The following LRP1B variants were observed in gnomAD, a reference collection of about 807,000 sequenced individuals.
The protein encoded by LRP1B is LDL receptor related protein 1B, also known as low-density lipoprotein receptor-related protein 1B.
LRP1B carries 217 observed loss-of-function variants against 556.6 expected under a neutral mutation model. That is an observed-to-expected ratio of 0.39 (90% confidence interval 0.35 to 0.44). The LOEUF (loss-of-function observed/expected upper bound fraction) is 0.44, where lower values mean the gene tolerates loss of function less well. LRP1B is among the 20% of genes least tolerant of loss of function. LRP1B has a pLI of 1.00. For missense variants in LRP1B, 5,053 were observed against 5,620.8 expected, an observed-to-expected ratio of 0.90 and a Z score of 3.23; for synonymous variants, 2,047 against 1,865.8, an observed-to-expected ratio of 1.10 and a Z score of -2.50.
chr2:141,028,301 T>A (rs1698272444), intron 11 of LRP1B, among the ~76,000 whole-genome samples: 1 of 151,600 alleles, frequency 6.6e-6, no homozygotes, highest in Non-Finnish European at 1.5e-5. Flanking sequence ...TATTAGTGAA[T>A]AATAACTTAT....
At chr2:140,990,061 G>A (rs1027087614) in intron 16 of LRP1B, among the ~76,000 whole-genome samples, 5 of 152,014 alleles carry the variant, frequency 3.3e-5, no homozygotes, top group African/African-American at 1.2e-4. Flanking sequence ...CAAAAAATTA[G>A]CCAGGCATGG....
intron 43 of LRP1B, among the ~76,000 whole-genome samples, chr2:140,581,638 G>A (rs1359555987): frequency 6.6e-6 from 1 of 151,996 alleles, no homozygotes; most frequent in Non-Finnish European, 1.5e-5. Flanking sequence ...TCTAGTATCA[G>A]AATAGACTGC....
At chr2:141,031,911 A>T (rs557364874) in intron 11 of LRP1B, among the ~76,000 whole-genome samples, 2 of 151,944 alleles carry the variant, frequency 1.3e-5, no homozygotes, top group South Asian at 2.1e-4. Context: ...TGTGACTAAA[A>T]ACTAGATGCA....
At chr2:141,216,893 T>C (rs1412576806) in intron 6 of LRP1B, among the ~76,000 whole-genome samples, 1 of 152,092 alleles carries the variant, frequency 6.6e-6, no homozygotes, top group Admixed American at 6.6e-5. Flanking sequence ...TGGAAGGAAA[T>C]AACTTGCTTG....
chr2:141,227,755 A>G (rs1210406973), intron 6 of LRP1B, among the ~76,000 whole-genome samples: 7 of 152,170 alleles, frequency 4.6e-5, no homozygotes, highest in Non-Finnish European at 1.0e-4. Context: ...TCTAATTACA[A>G]TGATCAAACA....
chr2:141,406,979 C>T (rs569206177), intron 3 of LRP1B, among the ~76,000 whole-genome samples: 1 of 152,124 alleles, frequency 6.6e-6, no homozygotes, highest in Non-Finnish European at 1.5e-5. Flanking sequence ...ATTTTAAGGG[C>T]ATTTTAGAGA....
At chr2:141,172,669 C>A (rs949216266) in intron 7 of LRP1B, among the ~76,000 whole-genome samples, 4 of 151,932 alleles carry the variant, frequency 2.6e-5, no homozygotes, top group South Asian at 2.1e-4. Context: ...TACACAAAAT[C>A]TTTCTTTAAA....
intron 7 of LRP1B, among the ~76,000 whole-genome samples, chr2:141,132,152 TAG>T (rs1701374746): frequency 1.3e-5 from 2 of 152,106 alleles, no homozygotes; most frequent in East Asian, 3.9e-4. Context: ...ATGGTTTGGG[TAG>T]AGTTTGTTTG....
intron 7 of LRP1B, among the ~76,000 whole-genome samples, chr2:141,105,772 A>G (rs1462882832): frequency 6.6e-6 from 1 of 152,204 alleles, no homozygotes; most frequent in Non-Finnish European, 1.5e-5. Context: ...TAAGAAATTT[A>G]TAAAACTTAC....
At chr2:141,052,688 C>T (rs750616677) in intron 10 of LRP1B, among the ~76,000 whole-genome samples, 2 of 151,908 alleles carry the variant, frequency 1.3e-5, no homozygotes, top group Non-Finnish European at 2.9e-5. Flanking sequence ...TTTTACAGCA[C>T]CCATTTTGCT....
At chr2:142,087,283 T>A (rs1705979374) in intron 1 of LRP1B, among the ~76,000 whole-genome samples, 1 of 13,178 alleles carries the variant, frequency 7.6e-5, no homozygotes, top group African/African-American at 8.9e-5. Context: ...ATTCAAATAA[T>A]CTTCCTATGT....
At chr2:142,122,854 C>T (rs1411191907) in intron 1 of LRP1B, among the ~76,000 whole-genome samples, 1 of 151,916 alleles carries the variant, frequency 6.6e-6, no homozygotes, top group Non-Finnish European at 1.5e-5. Flanking sequence ...ACATTTTTGT[C>T]CCAATAAAAA....
intron 1 of LRP1B, among the ~76,000 whole-genome samples, chr2:142,012,230 T>C (rs1320053117): frequency 1.3e-5 from 2 of 152,160 alleles, no homozygotes; most frequent in Admixed American, 6.5e-5. Context: ...ATAAAGTTGA[T>C]ATTGTTCACA....
At chr2:141,608,440 G>A (rs527666540) in intron 2 of LRP1B, among the ~76,000 whole-genome samples, 1 of 152,214 alleles carries the variant, frequency 6.6e-6, no homozygotes, top group South Asian at 2.1e-4. Flanking sequence ...CACATGAACA[G>A]CTTCTCCAAT....
chr2:141,742,012 A>T (rs572980634), intron 2 of LRP1B, among the ~76,000 whole-genome samples: 4 of 152,280 alleles, frequency 2.6e-5, no homozygotes, highest in African/African-American at 7.2e-5. Context: ...CTGCATATGA[A>T]TATCCAGTTT....
chr2:141,492,078 T>TG (rs1559102635), intron 2 of LRP1B, among the ~76,000 whole-genome samples: 21 of 1,290 alleles, frequency 0.016, no homozygotes, highest in South Asian at 0.33. Context: ...TTTAGCTTTC[T>TG]GAAAAAAAAA....
intron 3 of LRP1B, among the ~76,000 whole-genome samples, chr2:141,294,411 A>G (rs1438833732): frequency 9.0e-6 from 1 of 110,762 alleles, no homozygotes; most frequent in East Asian, 2.7e-4. Context: ...AAATATCTTA[A>G]GTAACTAAAC....
At chr2:140,581,707 C>T (rs1391068959) in intron 43 of LRP1B, among the ~76,000 whole-genome samples, 3 of 151,994 alleles carry the variant, frequency 2.0e-5, no homozygotes, top group African/African-American at 7.2e-5. Context: ...AATAGTATTG[C>T]CAACCAAATG....
chr2:140,674,822 T>C (rs907578580), intron 41 of LRP1B, among the ~76,000 whole-genome samples: 1 of 152,256 alleles, frequency 6.6e-6, no homozygotes, highest in African/African-American at 2.4e-5. Flanking sequence ...ACATTTGTTA[T>C]AGCAGCACTT....
Sources: gnomAD v4.1 joint callset for allele counts (sites outside exome capture counted in the v4.1 genomes callset) on GRCh38, gnomAD v4.1.1 for gene constraint, MANE v1.5 for transcripts, NCBI Gene and HGNC (gene_info 2026-07-23, HGNC 2026-07-21) for gene names.